TRHDE: variants seen among roughly 807,000 people sequenced by gnomAD.
TRHDE encodes the protein thyrotropin-releasing hormone-degrading ectoenzyme.
TRHDE carries 72 observed loss-of-function variants against 125.7 expected under a neutral mutation model. The observed-to-expected ratio is 0.57, with a 90% confidence interval of 0.47 to 0.70. TRHDE has a LOEUF of 0.70. TRHDE is among the 30% of genes least tolerant of loss of function. The pLI, the probability that TRHDE is intolerant of heterozygous loss-of-function variation, is 0.00. For synonymous variants in TRHDE, 509 were observed against 509.1 expected (o/e 1.00, Z 0.00); for missense variants, 1,110 against 1,327.1 (o/e 0.84, Z 2.54).
intron 2 of TRHDE, among the ~76,000 whole-genome samples, chr12:72,138,414 A>T (rs1046457047): frequency 5.9e-5 from 9 of 152,170 alleles, no homozygotes; most frequent in Non-Finnish European, 2.9e-5. Context: ...AACAAAACAA[A>T]GCAACAAATA....
chr12:72,517,623 G>GT (rs1353743251), intron 6 of TRHDE, among the ~76,000 whole-genome samples: 2 of 151,986 alleles, frequency 1.3e-5, no homozygotes, highest in Admixed American at 6.6e-5. Context: ...TTTTTGAAGG[G>GT]TTTTTTGTGT....
chr12:72,474,886 A>G (rs1258114518), intron 5 of TRHDE, among the ~76,000 whole-genome samples: 1 of 152,194 alleles, frequency 6.6e-6, no homozygotes, highest in Non-Finnish European at 1.5e-5. Context: ...TTACTTTAAC[A>G]AAAATGTGAA....
intron 5 of TRHDE, among the ~76,000 whole-genome samples, chr12:72,488,743 A>T (rs530478059): frequency 3.6e-4 from 55 of 152,110 alleles, no homozygotes; most frequent in African/African-American, 1.0e-3. Context: ...AGAATAGACC[A>T]TATGTAAGGC....
intron 10 of TRHDE, among the ~76,000 whole-genome samples, chr12:72,572,641 C>G (rs566851672): frequency 1.3e-5 from 2 of 151,986 alleles, no homozygotes; most frequent in Non-Finnish European, 2.9e-5. Flanking sequence ...TATTCATGAA[C>G]AGTAATAACC....
At chr12:72,500,591 C>T (rs997756830) in intron 6 of TRHDE, among the ~76,000 whole-genome samples, 1 of 151,900 alleles carries the variant, frequency 6.6e-6, no homozygotes, top group African/African-American at 2.4e-5. Context: ...AGGGTTTCAC[C>T]ATGTTGGCCA....
At chr12:72,452,585 T>C (rs149471575) in intron 3 of TRHDE, among the ~76,000 whole-genome samples, 110 of 152,280 alleles carry the variant, frequency 7.2e-4, no homozygotes, top group Middle Eastern at 3.4e-3. Flanking sequence ...TTTTCATATA[T>C]GGATAATATA....
chr12:72,116,176 C>T lies in TRHDE; in HGVS notation n.279+10424C>T, dbSNP rs145196392. On this transcript the variant is annotated intron_variant and non_coding_transcript_variant, in intron 2 of 4. Transcript: ENST00000548156. ...GTTTCCAGCTTCATCCATGTCCCTG[C>T]AAAGGGCATGAACTCATTCATTTTT... 3.2e-3 allele frequency among the ~76,000 whole-genome samples: 494 copies of T among 152,268 alleles called. 3 individuals carry two copies. Among genetic ancestry groups the T allele is most frequent in the South Asian group, 7.7e-3 (37 of 4,822 alleles).
At chr12:72,302,960 A>G (rs1868284326) in intron 2 of TRHDE, among the ~76,000 whole-genome samples, 1 of 152,182 alleles carries the variant, frequency 6.6e-6, no homozygotes, top group African/African-American at 2.4e-5. Flanking sequence ...GTGACAACTG[A>G]AAATGTCTCT....
intron 12 of TRHDE, among the ~76,000 whole-genome samples, chr12:72,581,703 T>C (rs1871235267): frequency 1.3e-5 from 2 of 152,204 alleles, no homozygotes; most frequent in South Asian, 2.1e-4. Context: ...TTATTTTTAG[T>C]TCACAAACTT....
intron 1 of TRHDE, among the ~76,000 whole-genome samples, chr12:72,279,624 A>C (rs928761674): frequency 6.6e-6 from 1 of 152,202 alleles, no homozygotes; most frequent in Non-Finnish European, 1.5e-5. Flanking sequence ...TGGACAACCT[A>C]AAATGATGCA....
intron 3 of TRHDE, among the ~76,000 whole-genome samples, chr12:72,427,715 CAATAGAG>C (rs754758757): frequency 1.5e-4 from 23 of 152,184 alleles, no homozygotes; most frequent in Admixed American, 3.3e-4. Flanking sequence ...AACATACTAC[CAATAGAG>C]CTCTGTGATG....
At chr12:72,113,320 T>A (rs1004803993) in intron 2 of TRHDE, among the ~76,000 whole-genome samples, 1 of 152,058 alleles carries the variant, frequency 6.6e-6, no homozygotes, top group African/African-American at 2.4e-5. Context: ...AGCTCAATCT[T>A]CTCTTAAGAA....
intron 5 of TRHDE, among the ~76,000 whole-genome samples, chr12:72,486,473 C>T (rs1877412709): frequency 6.6e-6 from 1 of 152,164 alleles, no homozygotes; most frequent in Non-Finnish European, 1.5e-5. Flanking sequence ...AGCCCTTGCA[C>T]TAATAACCTA....
chr12:72,340,359 G>A (rs964534489), intron 2 of TRHDE, among the ~76,000 whole-genome samples: 3 of 152,104 alleles, frequency 2.0e-5, no homozygotes, highest in African/African-American at 7.2e-5. Context: ...TGTGCAGTAA[G>A]CATCTATTGC....
At position 72,240,434 on chromosome 12, in the gene TRHDE, A is replaced by G. The variant is rs955901560; in HGVS notation, n.279+134682A>G. 3.3e-5 allele frequency among the ~76,000 whole-genome samples: 5 copies of G among 151,778 alleles called. No individual in the cohort carries two copies. In the East Asian group the frequency reaches 9.7e-4, roughly 29 times the overall value. On this transcript the variant is annotated intron_variant and non_coding_transcript_variant, in intron 2 of 4. Transcript: ENST00000548156. ...TTTTTGTAACTCACCATTTTTACTT[A>G]CATAAGGTCATCTTGACAGATAACA...
intron 2 of TRHDE, among the ~76,000 whole-genome samples, chr12:72,163,826 A>G (rs1272351833): frequency 6.6e-6 from 1 of 152,174 alleles, no homozygotes; most frequent in Non-Finnish European, 1.5e-5. Context: ...AGGGTACTCA[A>G]ATCGGCAGAG....
chr12:72,371,716 T>A (rs1322364085), intron 2 of TRHDE, among the ~76,000 whole-genome samples: 1 of 152,046 alleles, frequency 6.6e-6, no homozygotes, highest in Admixed American at 6.5e-5. Context: ...ACAAAGGACA[T>A]GAACTCATCC....
At chr12:72,407,442 C>A (rs1417910905) in intron 3 of TRHDE, among the ~76,000 whole-genome samples, 1 of 152,130 alleles carries the variant, frequency 6.6e-6, no homozygotes, top group Non-Finnish European at 1.5e-5. Context: ...TGGATCTAGG[C>A]TACACAGGAG....
intron 12 of TRHDE, among the ~76,000 whole-genome samples, chr12:72,597,758 T>TATAC (rs1565804834): frequency 0.022 from 445 of 20,250 alleles, 9 homozygotes; most frequent in Admixed American, 0.027. Flanking sequence ...TATATATATA[T>TATAC]GCATACACAC....
Sources: allele counts gnomAD v4.1 joint callset (sites outside exome capture counted in the v4.1 genomes callset), GRCh38; gene constraint gnomAD v4.1.1; transcripts MANE v1.5; gene names NCBI Gene and HGNC (gene_info 2026-07-23, HGNC 2026-07-21).